The following SLC6A11 variants were observed in gnomAD, a reference collection of about 807,000 sequenced individuals.
The protein encoded by SLC6A11 is solute carrier family 6 member 11.
In SLC6A11, 25 loss-of-function variants were observed where a neutral mutation model predicts 74.8. The observed-to-expected ratio is 0.33, with a 90% CI of 0.24 to 0.47. The LOEUF is 0.47. SLC6A11 is among the 20% of genes least tolerant of loss of function. The pLI, the probability that SLC6A11 is intolerant of heterozygous loss-of-function variation, is 1.00. For missense variants in SLC6A11, 574 were observed against 837.0 expected (o/e 0.69, Z 3.88); for synonymous variants, 330 against 330.2 (o/e 1.00, Z 0.01).
At chr3:10,822,426 A>G (rs1055798159) in intron 3 of SLC6A11, among the ~76,000 whole-genome samples, 2 of 152,188 alleles carry the variant, frequency 1.3e-5, no homozygotes, top group African/African-American at 2.4e-5. Context: ...GGAGTTTATT[A>G]CAGTTCTATC....
chr3:10,883,962 C>G (rs1695012882), intron 6 of SLC6A11, among the ~76,000 whole-genome samples: 1 of 152,116 alleles, frequency 6.6e-6, no homozygotes, highest in Non-Finnish European at 1.5e-5. Context: ...AATGTAAAAT[C>G]AGATCATCAC....
rs548138639 is a variant in SLC6A11 at position 10,884,928 on chromosome 3, C to A, written c.891+9833C>A. On this transcript the variant is annotated intron_variant, in intron 6 of 13. Transcript: ENST00000254488. Reference sequence around the variant, plus strand: ...ACTTATCTGCTTTAGTTTGTCAGTCCCCCACTTTGAGAGTATCTACCAAGG... The same window carrying A: ...ACTTATCTGCTTTAGTTTGTCAGTCACCCACTTTGAGAGTATCTACCAAGG... Among the ~76,000 whole-genome samples, 28 of 152,122 alleles carry A rather than the reference C, an allele frequency of 1.8e-4. No homozygotes were observed. The South Asian group carries it at 5.2e-3, about 28-fold the overall frequency.
intron 8 of SLC6A11, among the ~76,000 whole-genome samples, chr3:10,924,409 C>G (rs926299563): frequency 1.3e-5 from 2 of 151,774 alleles, no homozygotes; most frequent in African/African-American, 4.9e-5. Context: ...TCCTAAGGAA[C>G]CTACAAAAAA....
intron 4 of SLC6A11, among the ~76,000 whole-genome samples, chr3:10,829,549 C>T (rs941989928): frequency 1.3e-4 from 20 of 152,170 alleles, no homozygotes; most frequent in African/African-American, 4.8e-4. Context: ...AACACATTAC[C>T]CCGTGGCTAA....
chr3:10,863,831 G>A (rs1694732693), intron 5 of SLC6A11, among the ~76,000 whole-genome samples: 1 of 152,136 alleles, frequency 6.6e-6, no homozygotes, highest in African/African-American at 2.4e-5. Context: ...TGAGATGAAT[G>A]TAGTTGGCTC....
intron 6 of SLC6A11, among the ~76,000 whole-genome samples, chr3:10,877,229 C>A (rs1398138170): frequency 6.6e-6 from 1 of 152,128 alleles, no homozygotes; most frequent in Non-Finnish European, 1.5e-5. Flanking sequence ...CCCTATGGAC[C>A]CCTGTGTCGG....
At chr3:10,910,239 G>C (rs1290072440) in intron 6 of SLC6A11, among the ~76,000 whole-genome samples, 2 of 152,286 alleles carry the variant, frequency 1.3e-5, no homozygotes, top group East Asian at 3.9e-4. Flanking sequence ...GCAATTTGTT[G>C]AATGACTTAA....
intron 6 of SLC6A11, among the ~76,000 whole-genome samples, chr3:10,890,957 G>T (rs993663555): frequency 6.6e-5 from 10 of 152,192 alleles, no homozygotes; most frequent in African/African-American, 2.2e-4. Flanking sequence ...ACCCATATCT[G>T]GCGCTTTCAT....
chr3:10,823,607 A>T (rs140250842), intron 4 of SLC6A11: 2 of 521,804 alleles, frequency 3.8e-6, no homozygotes, highest in Non-Finnish European at 7.0e-6. Context: ...TTGTTCTTTG[A>T]TAACATGTCA....
At chr3:10,892,527 A>AC (rs1695118776) in intron 6 of SLC6A11, among the ~76,000 whole-genome samples, 1 of 150,872 alleles carries the variant, frequency 6.6e-6, no homozygotes, top group South Asian at 2.1e-4. Context: ...CCAGAGTTCC[A>AC]TCAGCTGTAA....
At chr3:10,916,638 C>CACATCTGCT (rs1363639679) in intron 7 of SLC6A11, among the ~76,000 whole-genome samples, 2 of 152,220 alleles carry the variant, frequency 1.3e-5, no homozygotes, top group African/African-American at 2.4e-5. Flanking sequence ...CTGTTTATGT[C>CACATCTGCT]ACATCTGCTA....
intron 5 of SLC6A11, among the ~76,000 whole-genome samples, chr3:10,851,129 C>G (rs949694437): frequency 8.6e-5 from 13 of 152,020 alleles, no homozygotes; most frequent in African/African-American, 2.4e-4. Flanking sequence ...CAGCTGGCTC[C>G]TGTTCCTTGC....
At chr3:10,837,723 C>T (rs1369837104) in intron 4 of SLC6A11, among the ~76,000 whole-genome samples, 2 of 152,182 alleles carry the variant, frequency 1.3e-5, no homozygotes, top group Non-Finnish European at 2.9e-5. Context: ...ATCACTGTAG[C>T]GTGGACTGAA....
chr3:10,851,658 G>A (rs1322070728), intron 5 of SLC6A11, among the ~76,000 whole-genome samples: 3 of 152,226 alleles, frequency 2.0e-5, no homozygotes, highest in Admixed American at 6.5e-5. Flanking sequence ...ACAACCCTAT[G>A]CAGAAGGTGC....
At chr3:10,886,514 C>T (rs1695044307) in intron 6 of SLC6A11, among the ~76,000 whole-genome samples, 1 of 152,298 alleles carries the variant, frequency 6.6e-6, no homozygotes, top group East Asian at 1.9e-4. Context: ...TGAGCTCAAA[C>T]GTCCCTCACT....
rs1233714768 is a variant in SLC6A11 at position 10,912,056 on chromosome 3, C to T, written c.892-34C>T. The T allele has an allele frequency of 2.8e-6, 4 of 1,433,644 alleles. No homozygotes were observed. The Admixed American group carries it at 6.7e-5, about 24-fold the overall frequency. 88.8% of individuals were successfully genotyped at this position (1,433,644 alleles called of 1,614,324 possible). On this transcript the variant is annotated intron_variant, in intron 6 of 13. Transcript: ENST00000254488. The stretch of plus-strand genomic sequence containing the variant: ...TACCCTCTCACCACACATCTGACTT[C>T]TGTTTATGCCAACATCTTTGTGCCT...
At chr3:10,928,468 T>C (rs2697156) in intron 9 of SLC6A11, among the ~76,000 whole-genome samples, 132,390 of 152,080 alleles carry the variant, frequency 0.87, 57,955 homozygotes, top group Admixed American at 0.91. Flanking sequence ...GGTGAGGGGG[T>C]GGTCGGTATC....
chr3:10,934,760 G>C (rs1392591376), intron 12 of SLC6A11, among the ~76,000 whole-genome samples: 1 of 152,192 alleles, frequency 6.6e-6, no homozygotes, highest in Non-Finnish European at 1.5e-5. Context: ...GAGGCTCCTG[G>C]GGGTGGGGAG....
chr3:10,880,960 GT>G (rs1559569770), intron 6 of SLC6A11, among the ~76,000 whole-genome samples: 1 of 152,182 alleles, frequency 6.6e-6, no homozygotes, highest in Non-Finnish European at 1.5e-5. Flanking sequence ...CTCTTCTGGG[GT>G]TCCCTCCCTA....
Sources: allele counts gnomAD v4.1 joint callset (sites outside exome capture counted in the v4.1 genomes callset), GRCh38; gene constraint gnomAD v4.1.1; transcripts MANE v1.5; gene names NCBI Gene and HGNC (gene_info 2026-07-23, HGNC 2026-07-21).